The following RBFOX1 variants were observed in gnomAD, a reference collection of about 807,000 sequenced individuals.
The protein encoded by RBFOX1 is RNA binding protein fox-1 homolog 1.
Under a neutral mutation model 57.7 loss-of-function variants are expected in RBFOX1, and 8 were observed. The observed-to-expected ratio is 0.14, with a 90% confidence interval of 0.08 to 0.25. The LOEUF (loss-of-function observed/expected upper bound fraction) is 0.25. RBFOX1 is among the 10% of genes least tolerant of loss of function. The pLI is 1.00. For synonymous variants in RBFOX1, 326 were observed against 222.4 expected, an observed-to-expected ratio of 1.47 and a Z score of -4.15; for missense variants, 611 against 548.5, an observed-to-expected ratio of 1.11 and a Z score of -1.14.
intron 1 of RBFOX1, among the ~76,000 whole-genome samples, chr16:5,399,898 T>C (rs1188265632): frequency 2.0e-5 from 3 of 152,086 alleles, no homozygotes; most frequent in Admixed American, 6.5e-5. Context: ...TTTATCTTAC[T>C]GTTGATTTTA....
chr16:6,662,107 G>T (rs1363753174), intron 3 of RBFOX1, among the ~76,000 whole-genome samples: 1 of 141,278 alleles, frequency 7.1e-6, no homozygotes, highest in Admixed American at 7.5e-5. Context: ...CAGAGAGTAG[G>T]ATGGTGGTTG....
chr16:5,749,783 G>A (rs1341160266), intron 3 of RBFOX1, among the ~76,000 whole-genome samples: 1 of 151,988 alleles, frequency 6.6e-6, no homozygotes, highest in Non-Finnish European at 1.5e-5. Context: ...TTTTTTCAAG[G>A]TTTTTAGCTT....
rs566915326 is a variant in RBFOX1 at position 6,841,205 on chromosome 16, T to A, written c.-16+186555T>A. Among the ~76,000 whole-genome samples, 25 of 152,280 alleles carry A rather than the reference T, an allele frequency of 1.6e-4. No individual in the cohort carries two copies. In the East Asian group the frequency reaches 4.6e-3, roughly 28 times the overall value. On this transcript the variant is annotated intron_variant, in intron 3 of 15. Coordinates refer to ENST00000550418, the MANE Select transcript of RBFOX1 (RefSeq NM_018723.4). ...ACTAAGACAATGATTATGAAAAGAT[T>A]TAGTTATAAACATTATAATAATGGT... is the stretch of plus-strand genomic sequence containing the variant.
At chr16:6,021,789 GGTTGTCACCT>G (rs1366409855) in intron 1 of RBFOX1, among the ~76,000 whole-genome samples, 1 of 152,196 alleles carries the variant, frequency 6.6e-6, no homozygotes, top group African/African-American at 2.4e-5. Flanking sequence ...CTGAGCTTCG[GGTTGTCACCT>G]GTAAAATCAG....
chr16:5,735,089 TG>T (rs2052523449), intron 3 of RBFOX1, among the ~76,000 whole-genome samples: 1 of 152,212 alleles, frequency 6.6e-6, no homozygotes, highest in South Asian at 2.1e-4. Flanking sequence ...TGTGATCATA[TG>T]GTTTATCCAG....
At chr16:6,890,782 C>T (rs181133302) in intron 3 of RBFOX1, among the ~76,000 whole-genome samples, 24 of 152,268 alleles carry the variant, frequency 1.6e-4, no homozygotes, top group African/African-American at 5.3e-4. Flanking sequence ...TTTTAACCTA[C>T]GTACCCACTC....
intron 3 of RBFOX1, among the ~76,000 whole-genome samples, chr16:7,024,678 CG>C (rs1404012373): frequency 6.6e-6 from 1 of 152,100 alleles, no homozygotes; most frequent in Non-Finnish European, 1.5e-5. Context: ...CACTTAGATA[CG>C]AATGGAGGAG....
chr16:7,467,241 T>A (rs1260100846), intron 4 of RBFOX1, among the ~76,000 whole-genome samples: 2 of 151,852 alleles, frequency 1.3e-5, no homozygotes. Context: ...TTCCAATGAG[T>A]CTCCTAGGCG....
intron 3 of RBFOX1, among the ~76,000 whole-genome samples, chr16:5,644,569 C>T (rs866357549): frequency 2.3e-4 from 35 of 152,330 alleles, no homozygotes; most frequent in Middle Eastern, 3.4e-3. Context: ...AGGAACTCAG[C>T]CGTGTCTCTG....
chr16:6,972,154 A>G (rs1225453057), intron 3 of RBFOX1, among the ~76,000 whole-genome samples: 1 of 152,164 alleles, frequency 6.6e-6, no homozygotes, highest in Non-Finnish European at 1.5e-5. Context: ...ATAGTTCAGT[A>G]GTGTTCAGTA....
intron 4 of RBFOX1, among the ~76,000 whole-genome samples, chr16:7,153,685 G>T (rs2152307250): frequency 6.8e-6 from 1 of 146,664 alleles, no homozygotes; most frequent in Non-Finnish European, 1.5e-5. Flanking sequence ...TGAAGTCGGA[G>T]GTTGCATTGA....
chr16:5,993,384 TGAGA>T (rs1200838900), intron 4 of RBFOX1, among the ~76,000 whole-genome samples: 1 of 71,230 alleles, frequency 1.4e-5, no homozygotes, highest in Non-Finnish European at 3.0e-5. Flanking sequence ...TGTGTGTGTG[TGAGA>T]GAGAGAGAGA....
intron 4 of RBFOX1, among the ~76,000 whole-genome samples, chr16:7,221,706 T>C (rs1003445184): frequency 4.6e-5 from 7 of 152,192 alleles, no homozygotes; most frequent in South Asian, 2.1e-4. Context: ...TCTCCACATA[T>C]ATACTTTTAA....
At position 6,905,550 on chromosome 16, in the gene RBFOX1, C is replaced by G. The variant is rs570265568; in HGVS notation, c.-15-146507C>G. On this transcript the variant is annotated intron_variant, in intron 3 of 15. Transcript: ENST00000550418. ...CCTAGGGGACAGAGTTAGACTCCAT[C>G]TCAAAAAAAAAAAAAAGTGTAGATG... 2.7e-4 allele frequency among the ~76,000 whole-genome samples: 20 copies of G among 73,228 alleles called. No homozygotes were observed. The East Asian group carries it at 9.6e-3, about 35-fold the overall frequency. 48.0% of individuals were successfully genotyped at this position (73,228 alleles called of 152,430 possible).
intron 1 of RBFOX1, among the ~76,000 whole-genome samples, chr16:6,166,699 CACCAGTT>C (rs1461817013): frequency 6.6e-6 from 1 of 152,144 alleles, no homozygotes; most frequent in East Asian, 1.9e-4. Flanking sequence ...CCCACTTTCA[CACCAGTT>C]ACCTCTTTGG....
intron 2 of RBFOX1, among the ~76,000 whole-genome samples, chr16:6,585,566 C>G (rs1431998248): frequency 6.6e-6 from 1 of 152,032 alleles, no homozygotes; most frequent in African/African-American, 2.4e-5. Context: ...CTGTTTAATT[C>G]ACTGCGGTGG....
chr16:7,572,285 G>A (rs1055348495), intron 5 of RBFOX1, among the ~76,000 whole-genome samples: 2 of 152,148 alleles, frequency 1.3e-5, no homozygotes. Flanking sequence ...ATATGCAAAT[G>A]GAGATCCAGA....
intron 2 of RBFOX1, among the ~76,000 whole-genome samples, chr16:6,572,078 C>T (rs1026313581): frequency 1.3e-5 from 2 of 152,076 alleles, no homozygotes; most frequent in East Asian, 3.9e-4. Flanking sequence ...ATTTTTCTGC[C>T]AATACACACT....
intron 5 of RBFOX1, among the ~76,000 whole-genome samples, chr16:7,545,149 A>AAGGTGAACTTGAGTAGTTACT (rs1444070836): frequency 6.6e-6 from 1 of 152,170 alleles, no homozygotes; most frequent in Admixed American, 6.5e-5. Context: ...GCTGAGCATC[A>AAGGTGAACTTGAGTAGTTACT]AGGTGAACTT....
Sources: gnomAD v4.1 joint callset for allele counts (sites outside exome capture counted in the v4.1 genomes callset) on GRCh38, gnomAD v4.1.1 for gene constraint, MANE v1.5 for transcripts, NCBI Gene and HGNC (gene_info 2026-07-23, HGNC 2026-07-21) for gene names.